Variants in CDKN2B-AS1 observed in about 807,000 individuals in gnomAD.
CDKN2B-AS1 encodes the protein CDKN2B antisense RNA 1 (non-protein coding).
intron 4 of CDKN2B-AS1, among the ~76,000 whole-genome samples, chr9:22,089,308 A>G (rs1824980741): frequency 6.6e-6 from 1 of 152,266 alleles, no homozygotes; most frequent in African/African-American, 2.4e-5. Context: ...TCTTGAATTG[A>G]TGATATTTAT....
chr9:22,081,784 T>A lies in CDKN2B-AS1; in HGVS notation n.438+25397T>A, dbSNP rs576132573. Among the ~76,000 whole-genome samples, 11 of 152,342 alleles carry A rather than the reference T, an allele frequency of 7.2e-5. No individual in the cohort carries two copies. The South Asian group carries it at 1.9e-3, about 26-fold the overall frequency. ...TGGCACCCAATCTTTTACAGTGTTA[T>A]GAAAAATAGGGAAAATGTAGAAAGG... On this transcript the variant is annotated intron_variant and non_coding_transcript_variant, in intron 4 of 4. Coordinates refer to ENST00000650946, the Ensembl canonical transcript of CDKN2B-AS1.
At chr9:22,116,688 T>G (rs973346680) in intron 4 of CDKN2B-AS1, among the ~76,000 whole-genome samples, 2 of 152,132 alleles carry the variant, frequency 1.3e-5, no homozygotes. Flanking sequence ...AAAGCCAATG[T>G]GGGACCACAG....
chr9:22,011,124 T>A (rs1234758879), intron 1 of CDKN2B-AS1, among the ~76,000 whole-genome samples: 2 of 152,198 alleles, frequency 1.3e-5, no homozygotes, highest in Non-Finnish European at 2.9e-5. Context: ...AGCGCTTTGC[T>A]TATACTCAGG....
chr9:22,033,250 A>G (rs548578633), intron 1 of CDKN2B-AS1, among the ~76,000 whole-genome samples: 15 of 152,274 alleles, frequency 9.9e-5, no homozygotes, highest in African/African-American at 3.6e-4. Flanking sequence ...GCACTACACT[A>G]CCTAAAAGAT....
In CDKN2B-AS1 at chr9:21,999,537, A is replaced by G. The variant is rs1052877581; in HGVS notation, n.29+4376A>G. Among the ~76,000 whole-genome samples, 3 of 152,038 alleles carry G rather than the reference A, an allele frequency of 2.0e-5. No homozygotes were observed. Among genetic ancestry groups the G allele is most frequent in the Admixed American group, 6.6e-5 (1 of 15,260 alleles). ...ATATATGTATTTTATGTATGGATAC[A>G]TATGTATATATGGATAGATTTTACA... On this transcript the variant is annotated intron_variant and non_coding_transcript_variant, in intron 1 of 4. Transcript: ENST00000650946. The surrounding 1 kb of genome is among the most constrained non-coding windows in gnomAD (Gnocchi z 4.7).
At chr9:22,085,849 C>T (rs1444756910) in intron 4 of CDKN2B-AS1, among the ~76,000 whole-genome samples, 2 of 151,706 alleles carry the variant, frequency 1.3e-5, no homozygotes, top group East Asian at 3.9e-4. Flanking sequence ...TGCCAAATGT[C>T]TATTTGTTGC....
At chr9:22,107,171 A>G (rs1041232377) in intron 4 of CDKN2B-AS1, among the ~76,000 whole-genome samples, 1 of 152,216 alleles carries the variant, frequency 6.6e-6, no homozygotes, top group African/African-American at 2.4e-5. Flanking sequence ...ATACTGAGAC[A>G]TCTGAAATAT....
intron 4 of CDKN2B-AS1, among the ~76,000 whole-genome samples, chr9:22,062,213 C>T (rs577108933): frequency 1.3e-5 from 2 of 152,130 alleles, no homozygotes; most frequent in African/African-American, 2.4e-5. Context: ...CCTCCATAAC[C>T]TCTGGACAAT....
At chr9:22,048,261 C>A (rs990821180) in intron 2 of CDKN2B-AS1, among the ~76,000 whole-genome samples, 1 of 152,152 alleles carries the variant, frequency 6.6e-6, no homozygotes, top group Non-Finnish European at 1.5e-5. Flanking sequence ...AAGGTGGATG[C>A]TGGTATGAAA....
At chr9:22,102,144 T>A (rs1825507227) in intron 4 of CDKN2B-AS1, among the ~76,000 whole-genome samples, 1 of 152,202 alleles carries the variant, frequency 6.6e-6, no homozygotes, top group South Asian at 2.1e-4. Flanking sequence ...GGGCTCATGG[T>A]AACTGAGATG....
intron 2 of CDKN2B-AS1, among the ~76,000 whole-genome samples, chr9:22,048,798 G>A (rs941824460): frequency 1.3e-5 from 2 of 152,124 alleles, no homozygotes; most frequent in African/African-American, 4.8e-5. Context: ...TCTTGCCTGA[G>A]GTCTACTCTT....
chr9:22,044,085 G>C (rs1823010723), intron 1 of CDKN2B-AS1, among the ~76,000 whole-genome samples: 1 of 151,910 alleles, frequency 6.6e-6, no homozygotes, highest in Admixed American at 6.6e-5. Flanking sequence ...GAGGCAAAAG[G>C]GCAGGAAAGA....
intron 4 of CDKN2B-AS1, among the ~76,000 whole-genome samples, chr9:22,077,189 A>G (rs939421601): frequency 7.2e-5 from 11 of 152,124 alleles, no homozygotes; most frequent in African/African-American, 2.7e-4. Context: ...AAATAATGCA[A>G]TAGTTTTCTT....
At chr9:22,093,391 C>G (rs1257093017) in intron 4 of CDKN2B-AS1, among the ~76,000 whole-genome samples, 3 of 116,384 alleles carry the variant, frequency 2.6e-5, no homozygotes, top group Middle Eastern at 8.1e-3. Flanking sequence ...CTTTCTGTCT[C>G]GTTGATCTGT....
At chr9:22,028,589 C>T (rs894688731) in intron 1 of CDKN2B-AS1, among the ~76,000 whole-genome samples, 4 of 152,050 alleles carry the variant, frequency 2.6e-5, no homozygotes, top group African/African-American at 7.2e-5. Context: ...TATAGCTAGG[C>T]AGTGCTGGAG....
chr9:22,062,323 G>A (rs1243129648), intron 4 of CDKN2B-AS1, among the ~76,000 whole-genome samples: 2 of 152,146 alleles, frequency 1.3e-5, no homozygotes, highest in Non-Finnish European at 2.9e-5. Flanking sequence ...GTATACAATT[G>A]AAGATACTAC....
At chr9:22,081,964 C>T (rs1222800224) in intron 4 of CDKN2B-AS1, among the ~76,000 whole-genome samples, 2 of 152,212 alleles carry the variant, frequency 1.3e-5, no homozygotes, top group Non-Finnish European at 2.9e-5. Flanking sequence ...TGGCTGGGGT[C>T]TTGCTTCAAC....
At chr9:22,037,616 A>G (rs1196676855) in intron 1 of CDKN2B-AS1, among the ~76,000 whole-genome samples, 1 of 152,052 alleles carries the variant, frequency 6.6e-6, no homozygotes, top group African/African-American at 2.4e-5. Flanking sequence ...TTTCCTCTTC[A>G]GCTTTCATGA....
chr9:22,063,941 T>C (rs1823929418), intron 4 of CDKN2B-AS1: 1 of 152,200 alleles, frequency 6.6e-6, no homozygotes, highest in African/African-American at 2.4e-5. Flanking sequence ...ATTATTCCCA[T>C]AGGTGATGGA....
Sources: allele counts gnomAD v4.1 joint callset (sites outside exome capture counted in the v4.1 genomes callset), GRCh38; gene constraint gnomAD v4.1.1; non-coding constraint Gnocchi (gnomAD v3.1); transcripts MANE v1.5; gene names NCBI Gene and HGNC (gene_info 2026-07-23, HGNC 2026-07-21).